KCMF1: variants seen among roughly 807,000 people sequenced by gnomAD.
KCMF1 encodes the protein potassium channel modulatory factor 1.
A neutral mutation model predicts 41.1 loss-of-function variants in KCMF1; 3 were observed. The observed-to-expected ratio is 0.07, with a 90% CI of 0.03 to 0.19. The LOEUF (loss-of-function observed/expected upper bound fraction) is 0.19, where lower values mean the gene tolerates loss of function less well. Ranked by LOEUF, KCMF1 falls within the 10% of genes least tolerant of loss-of-function variation. The probability of loss-of-function intolerance (pLI) is 1.00; values close to 1 mark genes in which losing one functional copy is unlikely to be tolerated. For missense variants in KCMF1, 286 were observed against 488.9 expected, an observed-to-expected ratio of 0.58 and a Z score of 3.91; for synonymous variants, 142 against 164.5, an observed-to-expected ratio of 0.86 and a Z score of 1.04.
intron 1 of KCMF1, among the ~76,000 whole-genome samples, chr2:85,019,551 TATGGAAAA>T (rs1193664747): frequency 3.9e-5 from 6 of 152,272 alleles, no homozygotes; most frequent in African/African-American, 1.4e-4. Flanking sequence ...TAGCAGGCTA[TATGGAAAA>T]ACTGTATGTT....
At chr2:84,978,083 C>T (rs1254310307) in intron 1 of KCMF1, among the ~76,000 whole-genome samples, 3 of 151,906 alleles carry the variant, frequency 2.0e-5, no homozygotes, top group African/African-American at 2.4e-5. Context: ...CCGCAACCTA[C>T]GCCTCCCAGG....
intron 3 of KCMF1, among the ~76,000 whole-genome samples, chr2:85,039,406 G>A (rs1574039297): frequency 6.6e-6 from 1 of 152,182 alleles, no homozygotes; most frequent in Non-Finnish European, 1.5e-5. Context: ...ATAATTGTAT[G>A]GGGAAAAATG....
At chr2:85,042,084 A>G (rs1411740901) in intron 3 of KCMF1, among the ~76,000 whole-genome samples, 1 of 152,170 alleles carries the variant, frequency 6.6e-6, no homozygotes, top group African/African-American at 2.4e-5. Flanking sequence ...AGGCAGGTCT[A>G]TCTACTTCTT....
At chr2:85,048,904 A>C (rs1408599099) in intron 5 of KCMF1, among the ~76,000 whole-genome samples, 2 of 152,196 alleles carry the variant, frequency 1.3e-5, no homozygotes, top group South Asian at 2.1e-4. Context: ...GAATCCTAAT[A>C]ATTCATTCAG....
intron 2 of KCMF1, among the ~76,000 whole-genome samples, chr2:85,029,463 C>T (rs1404443528): frequency 7.9e-5 from 12 of 151,514 alleles, no homozygotes; most frequent in Admixed American, 3.3e-4. Flanking sequence ...GATGTGGTGG[C>T]GCACATGCAT....
rs1163405427 is a variant in KCMF1 at position 85,006,295 on chromosome 2, C to CTTTTTTT, written c.17-21577_17-21571dup. ...CTTACCCACTAAATATTCTCATTTT[C>CTTTTTTT]TTTTTTTTTTTTTTTTTTTTTTTGA... On this transcript the variant is annotated intron_variant, in intron 1 of 6. Coordinates refer to ENST00000409785, the MANE Select transcript of KCMF1 (RefSeq NM_020122.5). Among the ~76,000 whole-genome samples, 396 of 94,212 alleles carry CTTTTTTT rather than the reference C, an allele frequency of 4.2e-3. 5 individuals are homozygous for CTTTTTTT. The highest frequency in any genetic ancestry group is 5.9e-3 in the African/African-American group (131 of 22,078). The allele number at this position is 94,212 out of a possible 152,430, so 61.8% of individuals were successfully genotyped here. A position where few individuals can be genotyped will look rare whatever the true frequency, so the allele number is the denominator to read the frequency against.
chr2:85,052,293 A>G (rs1675827582), intron 6 of KCMF1, among the ~76,000 whole-genome samples: 1 of 151,142 alleles, frequency 6.6e-6, no homozygotes, highest in African/African-American at 2.4e-5. Context: ...CTGGTCTCAA[A>G]CTCCTGACCT....
rs1324135873 is a variant in KCMF1 at position 85,059,376 on chromosome 2, T to C, written c.*5967T>C. 1 of 152,222 alleles carries C rather than the reference T, an allele frequency of 6.6e-6. No individual in the cohort carries two copies. Among genetic ancestry groups the C allele is most frequent in the Non-Finnish European group, 1.5e-5 (1 of 68,036 alleles). 9.4% of individuals were successfully genotyped at this position (152,222 alleles called of 1,614,324 possible). A position where few individuals can be genotyped will look rare whatever the true frequency, so the allele number is the denominator to read the frequency against. On this transcript the variant is annotated 3_prime_UTR_variant, in exon 7 of 7. Transcript: ENST00000409785. ...ATATTGTATCAGGCTCCGAGACTAA[T>C]TTGTACTGAACCCTTGATATAGATT...
At chr2:85,014,530 C>T (rs142940903) in intron 1 of KCMF1, among the ~76,000 whole-genome samples, 33 of 151,970 alleles carry the variant, frequency 2.2e-4, no homozygotes, top group Admixed American at 3.9e-4. Flanking sequence ...AAAATCATCA[C>T]CTTCCCTTAA....
intron 1 of KCMF1, among the ~76,000 whole-genome samples, chr2:85,008,320 TCATATATA>T (rs1558573475): frequency 8.8e-5 from 6 of 68,212 alleles, no homozygotes; most frequent in Admixed American, 2.8e-4. Flanking sequence ...GATATATATA[TCATATATA>T]ATATATAATA....
intron 1 of KCMF1, among the ~76,000 whole-genome samples, chr2:85,015,207 G>A (rs754179918): frequency 1.0e-3 from 139 of 132,690 alleles, no homozygotes; most frequent in East Asian, 1.1e-3. Context: ...AATCCCCCCC[G>A]CTTTCCCTTC....
At chr2:85,017,723 C>G (rs1224778719) in intron 1 of KCMF1, among the ~76,000 whole-genome samples, 2 of 151,958 alleles carry the variant, frequency 1.3e-5, no homozygotes, top group Non-Finnish European at 2.9e-5. Context: ...CTTTGTTGAC[C>G]TTTTCTTTCC....
At chr2:85,007,101 C>CAAAAAAAAAAAAAA (rs764401140) in intron 1 of KCMF1, among the ~76,000 whole-genome samples, 1 of 51,904 alleles carries the variant, frequency 1.9e-5, no homozygotes, top group Non-Finnish European at 4.1e-5. Context: ...AACTCAGTCT[C>CAAAAAAAAAAAAAA]AAAAAAAAAA....
intron 1 of KCMF1, among the ~76,000 whole-genome samples, chr2:85,004,956 C>A (rs1007750548): frequency 4.1e-4 from 63 of 152,160 alleles, no homozygotes; most frequent in African/African-American, 1.4e-3. Context: ...CTGCCTCAGC[C>A]TCTCAAGTAG....
In KCMF1 at chr2:85,028,059, A is replaced by G; in HGVS notation, c.184+3A>G. The G allele has an allele frequency of 6.4e-7, 1 of 1,552,442 alleles. No individual in the cohort carries two copies. On this transcript the variant is annotated splice_donor_region_variant and intron_variant, in intron 2 of 6. Coordinates refer to ENST00000409785, the MANE Select transcript of KCMF1 (RefSeq NM_020122.5). ...CATATTAACAAGGGTAGATTTTGGT[A>G]AGTAATTAAAAATTTAATGAATTAC...
intron 1 of KCMF1, among the ~76,000 whole-genome samples, chr2:85,027,622 G>A (rs775014228): frequency 6.6e-6 from 1 of 151,828 alleles, no homozygotes; most frequent in South Asian, 2.1e-4. Flanking sequence ...TGATCCACCC[G>A]CCTCGACCCC....
chr2:84,975,044 T>C (rs1673510471), intron 1 of KCMF1, among the ~76,000 whole-genome samples: 1 of 152,168 alleles, frequency 6.6e-6, no homozygotes, highest in African/African-American at 2.4e-5. Flanking sequence ...GAAATATGAT[T>C]TGTCATTTGA....
intron 1 of KCMF1, among the ~76,000 whole-genome samples, chr2:84,974,435 A>G (rs898981339): frequency 6.6e-6 from 1 of 151,680 alleles, no homozygotes; most frequent in Non-Finnish European, 1.5e-5. Flanking sequence ...TGAAGGCTCA[A>G]CCTTGTGAAG....
chr2:85,005,641 T>C (rs1674453741), intron 1 of KCMF1, among the ~76,000 whole-genome samples: 1 of 152,190 alleles, frequency 6.6e-6, no homozygotes, highest in African/African-American at 2.4e-5. Flanking sequence ...ATTTCTAGGG[T>C]ACATGGTGAT....
Sources: allele counts gnomAD v4.1 joint callset (sites outside exome capture counted in the v4.1 genomes callset), GRCh38; gene constraint gnomAD v4.1.1; transcripts MANE v1.5; gene names NCBI Gene and HGNC (gene_info 2026-07-23, HGNC 2026-07-21).